The following TENM4 variants were observed in gnomAD, a reference collection of about 807,000 sequenced individuals.
The protein encoded by TENM4 is teneurin-4.
TENM4 carries 82 observed loss-of-function variants against 243.3 expected under a neutral mutation model. The ratio of observed to expected loss-of-function variants is 0.34; its 90% CI spans 0.28 to 0.40. The LOEUF (loss-of-function observed/expected upper bound fraction) is 0.40, where lower values mean the gene tolerates loss of function less well. Among genes scored for constraint, TENM4 ranks in the 10% least tolerant of loss-of-function variants. TENM4 has a pLI of 1.00. For synonymous variants in TENM4, 1,412 were observed against 1,456.3 expected, an observed-to-expected ratio of 0.97 and a Z score of 0.69; for missense variants, 3,138 against 3,673.3, an observed-to-expected ratio of 0.85 and a Z score of 3.77.
intron 1 of TENM4, among the ~76,000 whole-genome samples, chr11:79,366,674 G>A (rs1857683830): frequency 6.6e-6 from 1 of 152,152 alleles, no homozygotes; most frequent in Middle Eastern, 3.2e-3. Context: ...ACAGTGCCTG[G>A]CAGTCAACTT....
intron 28 of TENM4, among the ~76,000 whole-genome samples, chr11:78,690,848 T>G (rs1346938699): frequency 1.3e-5 from 2 of 152,202 alleles, no homozygotes; most frequent in Non-Finnish European, 2.9e-5. Context: ...AGGCTGACTC[T>G]TTGAACACCT....
At chr11:78,810,259 TCAGAA>T (rs1857470169) in intron 14 of TENM4, among the ~76,000 whole-genome samples, 1 of 152,194 alleles carries the variant, frequency 6.6e-6, no homozygotes, top group Non-Finnish European at 1.5e-5. Flanking sequence ...ATGGCCCTCC[TCAGAA>T]AAGAAAGCTG....
intron 6 of TENM4, among the ~76,000 whole-genome samples, chr11:78,993,507 T>C (rs575134524): frequency 2.0e-5 from 3 of 152,334 alleles, no homozygotes; most frequent in African/African-American, 7.2e-5. Flanking sequence ...GTTAGACCAC[T>C]TGACATTGTC....
At position 78,836,306 on chromosome 11, in the gene TENM4, C is replaced by T. The variant is rs141079016; in HGVS notation, c.1681+17798G>A. Among the ~76,000 whole-genome samples, 169 of 152,240 alleles carry T rather than the reference C, an allele frequency of 1.1e-3. 1 individual carries two copies. The highest frequency in any genetic ancestry group is 1.8e-3 in the Non-Finnish European group (125 of 68,014). ...CGGAGGTTGCAGTCAGCCGAGATTG[C>T]GCTGTTGCACTCCAGCCTGGGCAAC... On this transcript the variant is annotated intron_variant, in intron 12 of 33. Coordinates refer to ENST00000278550, the MANE Select transcript of TENM4 (RefSeq NM_001098816.3).
chr11:79,064,925 G>T lies in TENM4; in HGVS notation c.306C>A (p.Leu102=), dbSNP rs1463979393. ...HGTLYRTDIG[L]PHCGYSMGAG... Reference sequence around the variant, plus strand: ...CCCCCATGGAGTAGCCGCAGTGGGGGAGGCCAATGTCTGTCCGGTACAGGG... The same window carrying T: ...CCCCCATGGAGTAGCCGCAGTGGGGTAGGCCAATGTCTGTCCGGTACAGGG... The change falls in exon 6 of 34, where the codon CTC becomes CTA. Residue 102 remains leucine (L), a synonymous_variant. Transcript: ENST00000278550. The T allele has an allele frequency of 6.5e-7, 1 of 1,539,654 alleles. No homozygotes were observed. Among genetic ancestry groups the T allele is most frequent in the Non-Finnish European group, 8.8e-7 (1 of 1,138,966 alleles).
At chr11:78,850,421 C>G (rs17137248) in intron 12 of TENM4, among the ~76,000 whole-genome samples, 5 of 151,990 alleles carry the variant, frequency 3.3e-5, no homozygotes, top group African/African-American at 7.3e-5. Context: ...TAAGCAAACC[C>G]GAGAGTTACA....
At chr11:78,929,493 G>A (rs1176630659) in intron 6 of TENM4, among the ~76,000 whole-genome samples, 1 of 152,198 alleles carries the variant, frequency 6.6e-6, no homozygotes, top group East Asian at 1.9e-4. Flanking sequence ...GCTAGGGAAG[G>A]GGAGCCAGGG....
At chr11:79,423,999 C>G (rs1454028137) in intron 1 of TENM4, among the ~76,000 whole-genome samples, 2 of 152,130 alleles carry the variant, frequency 1.3e-5, no homozygotes, top group African/African-American at 2.4e-5. Flanking sequence ...CTGGTAGAAG[C>G]TTGATTAATG....
chr11:79,083,063 G>T (rs1860715784), intron 4 of TENM4, among the ~76,000 whole-genome samples: 1 of 152,214 alleles, frequency 6.6e-6, no homozygotes, highest in Admixed American at 6.5e-5. Context: ...GCCTTGTGCT[G>T]CTCCCATTCC....
At chr11:79,247,602 C>T (rs1390037419) in intron 2 of TENM4, among the ~76,000 whole-genome samples, 2 of 152,104 alleles carry the variant, frequency 1.3e-5, no homozygotes, top group African/African-American at 4.8e-5. Context: ...CCCTATTCCT[C>T]ACAACAGCAC....
intron 1 of TENM4, among the ~76,000 whole-genome samples, chr11:79,306,727 A>T (rs1045933359): frequency 2.0e-5 from 3 of 152,184 alleles, no homozygotes; most frequent in Non-Finnish European, 4.4e-5. Flanking sequence ...TATTATCACC[A>T]TGCCCATTTA....
intron 1 of TENM4, among the ~76,000 whole-genome samples, chr11:79,316,811 A>C (rs1856810334): frequency 6.6e-6 from 1 of 152,156 alleles, no homozygotes; most frequent in South Asian, 2.1e-4. Flanking sequence ...ACTGCCCACC[A>C]CCAACCAAAA....
At chr11:78,870,870 C>G (rs1338257307) in intron 9 of TENM4, among the ~76,000 whole-genome samples, 2 of 152,180 alleles carry the variant, frequency 1.3e-5, no homozygotes, top group Non-Finnish European at 2.9e-5. Flanking sequence ...TGTAGGGGAA[C>G]TGGAACTGAA....
intron 23 of TENM4, 57 bp downstream of exon 23, chr11:78,726,022 G>T: frequency 1.2e-6 from 2 of 1,602,890 alleles, no homozygotes; most frequent in Non-Finnish European, 1.7e-6. Flanking sequence ...GGGCACAAGG[G>T]ATATGAGACA....
chr11:79,326,979 C>T (rs564586811), intron 1 of TENM4, among the ~76,000 whole-genome samples: 28 of 152,338 alleles, frequency 1.8e-4, no homozygotes, highest in African/African-American at 6.7e-4. Flanking sequence ...AGAGCCTCAT[C>T]TCACTTATTT....
chr11:79,277,280 G>T (rs546758416), intron 2 of TENM4, among the ~76,000 whole-genome samples: 4 of 152,204 alleles, frequency 2.6e-5, no homozygotes, highest in Admixed American at 1.3e-4. Flanking sequence ...AATTGAATTT[G>T]TCAGCTTCCA....
intron 29 of TENM4, among the ~76,000 whole-genome samples, chr11:78,685,021 G>GC (rs112707144): frequency 4.6e-4 from 69 of 151,540 alleles, no homozygotes; most frequent in East Asian, 3.1e-3. Flanking sequence ...CTTCAAACAG[G>GC]CCCCCCCCAC....
chr11:79,349,823 T>C (rs1026982316), intron 1 of TENM4, among the ~76,000 whole-genome samples: 1 of 152,186 alleles, frequency 6.6e-6, no homozygotes, highest in African/African-American at 2.4e-5. Flanking sequence ...AATTTATAGA[T>C]ACAGAAACAC....
chr11:78,677,082 A>C (rs1346043599), intron 29 of TENM4, among the ~76,000 whole-genome samples: 3 of 152,174 alleles, frequency 2.0e-5, no homozygotes, highest in African/African-American at 7.2e-5. Flanking sequence ...AGCTTTATAA[A>C]TATACTAAAA....
Sources: allele counts gnomAD v4.1 joint callset (sites outside exome capture counted in the v4.1 genomes callset), GRCh38; gene constraint gnomAD v4.1.1; transcripts MANE v1.5; gene names NCBI Gene and HGNC (gene_info 2026-07-23, HGNC 2026-07-21).